The following ZNF799 variants were observed in gnomAD, a reference collection of about 807,000 sequenced individuals.
ZNF799 encodes zinc finger protein 14.
Under a neutral mutation model 41.0 loss-of-function variants are expected in ZNF799, and 28 were observed. The ratio of observed to expected loss-of-function variants is 0.68; its 90% confidence interval spans 0.51 to 0.94. The LOEUF (loss-of-function observed/expected upper bound fraction) is 0.94, where lower values mean the gene tolerates loss of function less well. Among genes scored for constraint, ZNF799 ranks in the 40% least tolerant of loss-of-function variants. The probability of loss-of-function intolerance (pLI) is 0.00; values close to 1 mark genes in which losing one functional copy is unlikely to be tolerated. For missense variants in ZNF799, 716 were observed against 764.3 expected, an observed-to-expected ratio of 0.94 and a Z score of 0.74; for synonymous variants, 213 against 252.9, an observed-to-expected ratio of 0.84 and a Z score of 1.50.
Position 12,392,045 on chromosome 19 carries a change from A to G in ZNF799, c.353T>C (p.Leu118Pro). 1 of 1,614,238 alleles carries G rather than the reference A, an allele frequency of 6.2e-7. No homozygotes were observed. Among genetic ancestry groups the G allele is most frequent in the Non-Finnish European group, 8.5e-7 (1 of 1,180,030 alleles). ...AGCACCAACTCTGATGTAACAATTA[A>G]GGGATGAATGACCCATGATGACTTC... ...SGEVIMGHSS[L>P]NCYIRVGAGH... is the part of the protein sequence containing the mutation. The change falls in exon 4 of 4, where the codon CTT becomes CCT. Residue 118 changes from leucine to proline, a missense_variant. Leu to Pro is a moderately conservative substitution (Grantham distance 98). Transcript: ENST00000430385.
Position 12,392,186 on chromosome 19 carries a change from A to T in ZNF799, c.212T>A (p.Phe71Tyr), listed in dbSNP as rs755954513. The T allele has an allele frequency of 1.9e-6, 3 of 1,582,546 alleles. No individual in the cohort carries two copies. In the Admixed American group the frequency reaches 5.4e-5, roughly 29 times the overall value. ...TTGAGTTCCATCTTTACTTTCAACA[A>T]ATCTCTCTAACATACGACATCTGTA... is the stretch of plus-strand genomic sequence containing the variant. ...KNLRCRMLER[F>Y]VESKDGTQCG... The change falls in exon 4 of 4, where the codon TTT becomes TAT. Residue 71 changes from phenylalanine (F) to tyrosine (Y), a missense_variant. Transcript: ENST00000430385.
the ZNF799 span, among the ~76,000 whole-genome samples, chr19:12,408,896 G>C: frequency 1.3e-5 from 2 of 151,670 alleles, no homozygotes; most frequent in Non-Finnish European, 2.9e-5. Context: ...TTAGCTGGGC[G>C]TGGTGGCAGG....
At chr19:12,403,571 G>A (rs1172912769), upstream of ZNF799, among the ~76,000 whole-genome samples, 1 of 147,328 alleles carries the variant, frequency 6.8e-6, no homozygotes, top group African/African-American at 2.5e-5. Context: ...TTTTTGATGT[G>A]AGTTTTACTT....
the ZNF799 span, among the ~76,000 whole-genome samples, chr19:12,413,169 G>A: frequency 2.0e-5 from 3 of 151,582 alleles, no homozygotes; most frequent in African/African-American, 4.8e-5. Flanking sequence ...ATCCTGATTC[G>A]TTTCTAAATC....
At chr19:12,410,252 T>TGC in the ZNF799 span, among the ~76,000 whole-genome samples, 2 of 59,732 alleles carry the variant, frequency 3.3e-5, no homozygotes, top group Non-Finnish European at 5.8e-5. Context: ...AATGTCTGTG[T>TGC]GCATATATAT....
At position 12,401,269 on chromosome 19, in the gene ZNF799, G is replaced by A; in HGVS notation, c.-199C>T. On this transcript the variant is annotated 5_prime_UTR_variant, in exon 1 of 4. Coordinates refer to ENST00000430385, the MANE Select transcript of ZNF799 (RefSeq NM_001080821.3). ...ACTCCTCTGGGAAGCGCGCCTGATT[G>A]ACAGTTCCCACGAACCCGCCCCACG... The A allele has an allele frequency of 7.3e-7, 1 of 1,375,752 alleles. No homozygotes were observed. The highest frequency in any genetic ancestry group is 9.6e-7 in the Non-Finnish European group (1 of 1,041,490). The allele number at this position is 1,375,752 out of a possible 1,614,324, so 85.2% of individuals were successfully genotyped here.
At chr19:12,414,203 G>A in the ZNF799 span, among the ~76,000 whole-genome samples, 1 of 151,416 alleles carries the variant, frequency 6.6e-6, no homozygotes, top group East Asian at 2.0e-4. Context: ...AGTGTACCAT[G>A]TCCTGCCCCC....
At chr19:12,399,673 G>A (rs1170892862) in intron 1 of ZNF799, among the ~76,000 whole-genome samples, 2 of 143,900 alleles carry the variant, frequency 1.4e-5, no homozygotes, top group Admixed American at 1.4e-4. Flanking sequence ...AGACAGGGTC[G>A]GCCTCTGTTG....
chr19:12,390,530 C>T lies in ZNF799; in HGVS notation c.1868G>A (p.Cys623Tyr), dbSNP rs771887511. 1 of 1,613,900 alleles carries T rather than the reference C, an allele frequency of 6.2e-7. No individual in the cohort carries two copies. Among genetic ancestry groups the T allele is most frequent in the Admixed American group, 1.7e-5 (1 of 60,014 alleles). ...KTHTGENPYG[C>Y]KECGKAFASL... ...AGCAAATGCTTTCCCACATTCCTTA[C>T]ATCCATACGGGTTCTCTCCAGTGTG... The change falls in exon 4 of 4, where the codon TGT (cysteine) becomes TAT (tyrosine). Residue 623 changes from cysteine (C) to tyrosine (Y), a missense_variant. Around this residue, in one of 2 missense-constraint regions of ZNF799, gnomAD observed 698 missense variants for 713.6 expected, o/e 0.98. Transcript: ENST00000430385.
intron 1 of ZNF799, chr19:12,400,432 C>T (rs530124269): frequency 6.5e-6 from 1 of 153,134 alleles, no homozygotes; most frequent in East Asian, 1.9e-4. Context: ...AGAGTCAGGT[C>T]ACAGCAGACG....
At chr19:12,409,511 AC>A in the ZNF799 span, among the ~76,000 whole-genome samples, 1 of 152,232 alleles carries the variant, frequency 6.6e-6, no homozygotes, top group East Asian at 1.9e-4. Context: ...ATCACTAAGG[AC>A]ATAGCTGAAC....
At chr19:12,411,175 C>T in the ZNF799 span, among the ~76,000 whole-genome samples, 2 of 152,190 alleles carry the variant, frequency 1.3e-5, no homozygotes. Context: ...CAGGCCCTTA[C>T]TAGAGACTTC....
Position 12,391,070 on chromosome 19 carries a change from T to G in ZNF799, c.1328A>C (p.His443Pro). 1 of 1,614,182 alleles carries G rather than the reference T, an allele frequency of 6.2e-7. No homozygotes were observed. Among genetic ancestry groups the G allele is most frequent in the Non-Finnish European group, 8.5e-7 (1 of 1,180,014 alleles). ...SSSLRRHETT[H>P]TGEKPYKCKC... ...GCATTTATAGGGTTTCTCTCCAGTATGAGTTGTTTCATGCCTTCGAAGAGA... is the reference window on the plus strand; with the variant it reads ...GCATTTATAGGGTTTCTCTCCAGTAGGAGTTGTTTCATGCCTTCGAAGAGA... Residue 443 changes from histidine (H) to proline (P), a missense_variant, in exon 4 of 4, where the codon CAT (histidine) becomes CCT (proline). Around this residue, in one of 2 missense-constraint regions of ZNF799, gnomAD observed 698 missense variants for 713.6 expected, o/e 0.98. Transcript: ENST00000430385.
At chr19:12,401,508 T>A (rs1463031917), upstream of ZNF799, among the ~76,000 whole-genome samples, 2 of 150,968 alleles carry the variant, frequency 1.3e-5, no homozygotes, top group Non-Finnish European at 2.9e-5. Context: ...TCCTGCTTCT[T>A]CCTCCTGTAC....
chr19:12,408,031 C>T, the ZNF799 span, among the ~76,000 whole-genome samples: 1 of 152,106 alleles, frequency 6.6e-6, no homozygotes, highest in African/African-American at 2.4e-5. Flanking sequence ...GTGGCACAAA[C>T]TGTAGTCACA....
the ZNF799 span, among the ~76,000 whole-genome samples, chr19:12,410,192 T>C: frequency 2.0e-5 from 3 of 148,490 alleles, no homozygotes; most frequent in Non-Finnish European, 4.5e-5. Flanking sequence ...CATACATACA[T>C]ACATACATAT....
chr19:12,391,089 G>C lies in ZNF799; in HGVS notation c.1309C>G (p.Arg437Gly). The C allele has an allele frequency of 6.2e-7, 1 of 1,614,042 alleles. No individual in the cohort carries two copies. Among genetic ancestry groups the C allele is most frequent in the Non-Finnish European group, 8.5e-7 (1 of 1,179,984 alleles). ...GKAYRISSSL[R>G]RHETTHTGEK... ...CCAGTATGAGTTGTTTCATGCCTTC[G>C]AAGAGAACTGGAAATACGGTAGGCT... Residue 437 changes from arginine to glycine, a missense_variant, in exon 4 of 4, where the codon CGA (arginine) becomes GGA (glycine). By Grantham distance (125) the Arg-to-Gly change is moderately radical (BLOSUM62 -2). Coordinates refer to ENST00000430385, the MANE Select transcript of ZNF799 (RefSeq NM_001080821.3).
At chr19:12,404,327 AT>A (rs1456362630), upstream of ZNF799, among the ~76,000 whole-genome samples, 2 of 152,200 alleles carry the variant, frequency 1.3e-5, no homozygotes, top group Non-Finnish European at 2.9e-5. Context: ...TTCAGTATAT[AT>A]TGAGATAATC....
In ZNF799 at chr19:12,392,217, T is replaced by C. The variant is rs760257574; in HGVS notation, c.192-11A>G. The C allele has an allele frequency of 8.2e-5, 126 of 1,543,648 alleles. No individual in the cohort carries two copies. In the Middle Eastern group the frequency reaches 1.1e-3, roughly 13 times the overall value. On this transcript the variant is annotated splice_polypyrimidine_tract_variant and intron_variant, in intron 3 of 3. Transcript: ENST00000430385. ...TCTAACATACGACATCTGTAAAAAA[T>C]GGGAAATATATCACTAAAAGTCGGT...
Sources: allele counts gnomAD v4.1 joint callset (sites outside exome capture counted in the v4.1 genomes callset), GRCh38; gene constraint gnomAD v4.1.1; regional missense constraint gnomAD v4.1.1; transcripts MANE v1.5; gene names NCBI Gene and HGNC (gene_info 2026-07-23, HGNC 2026-07-21).